SGO2: variants seen among roughly 807,000 people sequenced by gnomAD.
SGO2 encodes shugoshin 2.
SGO2 carries 68 observed loss-of-function variants against 99.5 expected under a neutral mutation model. The ratio of observed to expected loss-of-function variants is 0.68; its 90% CI spans 0.56 to 0.84. The LOEUF is 0.84. Among genes scored for constraint, SGO2 ranks in the 40% least tolerant of loss-of-function variants. The probability of loss-of-function intolerance (pLI) is 0.00; values close to 1 mark genes in which losing one functional copy is unlikely to be tolerated. For missense variants in SGO2, 1,350 were observed against 1,436.7 expected (o/e 0.94, Z 0.97); for synonymous variants, 457 against 487.1 (o/e 0.94, Z 0.81).
At chr2:200,581,269 T>C (rs1049532733) in intron 8 of SGO2, among the ~76,000 whole-genome samples, 1 of 152,150 alleles carries the variant, frequency 6.6e-6, no homozygotes, top group Non-Finnish European at 1.5e-5. Context: ...TTCTTATTTT[T>C]TGTAAATAAG....
chr2:200,532,371 C>T, intron 1 of SGO2: 7 of 979,506 alleles, frequency 7.1e-6, no homozygotes, highest in Admixed American at 6.5e-5. Context: ...TCTTACATGG[C>T]TCAACATCAA....
rs144939465 is a variant in SGO2 at position 200,579,028 on chromosome 2, T to A, written c.3782+3567T>A. ...CTGACCTCCATCCACTAGATGTCAG[T>A]AGCACCCTCACATTTATAACAACCA... On this transcript the variant is annotated intron_variant, in intron 8 of 8. Coordinates refer to ENST00000357799, the MANE Select transcript of SGO2 (RefSeq NM_152524.6). 9.8e-5 allele frequency among the ~76,000 whole-genome samples: 15 copies of A among 152,308 alleles called. No homozygotes were observed. In the East Asian group the frequency reaches 2.9e-3, roughly 29 times the overall value.
chr2:200,533,953 T>C (rs1315412246), intron 2 of SGO2, among the ~76,000 whole-genome samples: 1 of 152,040 alleles, frequency 6.6e-6, no homozygotes, highest in Non-Finnish European at 1.5e-5. Flanking sequence ...CTTTGAGGAG[T>C]ACAACAGGAA....
At chr2:200,562,129 C>T (rs2106333925) in intron 5 of SGO2, among the ~76,000 whole-genome samples, 1 of 152,300 alleles carries the variant, frequency 6.6e-6, no homozygotes, top group East Asian at 1.9e-4. Flanking sequence ...GAAGTCCTTG[C>T]CCATGCCTGT....
intron 1 of SGO2, 132 bp from the exon 2 acceptor site, chr2:200,532,842 T>C: frequency 2.1e-6 from 2 of 962,564 alleles, no homozygotes; most frequent in Non-Finnish European, 3.0e-6. Flanking sequence ...CTTTCAGATT[T>C]TATGTAAAGT....
At chr2:200,528,255 T>C (rs1254114666) in intron 1 of SGO2, among the ~76,000 whole-genome samples, 1 of 152,148 alleles carries the variant, frequency 6.6e-6, no homozygotes, top group Non-Finnish European at 1.5e-5. Flanking sequence ...AAAAGGATCA[T>C]TGTGGTTGCT....
At chr2:200,567,542 T>C (rs2033235357) in intron 5 of SGO2, among the ~76,000 whole-genome samples, 1 of 152,224 alleles carries the variant, frequency 6.6e-6, no homozygotes, top group Non-Finnish European at 1.5e-5. Context: ...AAGCTTTGAA[T>C]CTTCACCCTG....
intron 8 of SGO2, among the ~76,000 whole-genome samples, chr2:200,578,053 C>T (rs2033720692): frequency 6.6e-6 from 1 of 152,018 alleles, no homozygotes; most frequent in African/African-American, 2.4e-5. Flanking sequence ...ATCTTGCCTG[C>T]AACAGTACTA....
intron 5 of SGO2, among the ~76,000 whole-genome samples, chr2:200,566,009 C>A (rs940795928): frequency 6.6e-6 from 1 of 152,180 alleles, no homozygotes; most frequent in Non-Finnish European, 1.5e-5. Flanking sequence ...TGGGTTTGAA[C>A]ATCCTCCTTT....
At chr2:200,536,383 C>T (rs542802308) in intron 4 of SGO2, among the ~76,000 whole-genome samples, 4 of 152,188 alleles carry the variant, frequency 2.6e-5, no homozygotes, top group African/African-American at 9.6e-5. Flanking sequence ...GTGGAACATA[C>T]TGGCTCCTAA....
At chr2:200,542,248 T>G (rs1381391646) in intron 4 of SGO2, among the ~76,000 whole-genome samples, 1 of 152,186 alleles carries the variant, frequency 6.6e-6, no homozygotes, top group Admixed American at 6.5e-5. Context: ...TAAAATTCAA[T>G]AAAATATTGC....
intron 1 of SGO2, among the ~76,000 whole-genome samples, chr2:200,527,365 C>G (rs545143007): frequency 1.7e-4 from 26 of 152,250 alleles, no homozygotes; most frequent in African/African-American, 5.5e-4. Flanking sequence ...AACTAGATTT[C>G]TATGTTAGGA....
At chr2:200,553,834 C>T (rs545592514) in intron 5 of SGO2, among the ~76,000 whole-genome samples, 133 of 152,202 alleles carry the variant, frequency 8.7e-4, no homozygotes, top group African/African-American at 3.1e-3. Flanking sequence ...TTCTTGAGGT[C>T]CCAAGATAAC....
chr2:200,577,944 C>A (rs1372160539), intron 8 of SGO2, among the ~76,000 whole-genome samples: 1 of 152,106 alleles, frequency 6.6e-6, no homozygotes, highest in Non-Finnish European at 1.5e-5. Context: ...AAGTCACAAT[C>A]TTTTCCTCTA....
upstream of SGO2, chr2:200,526,151 T>C (rs1273982079): frequency 1.3e-5 from 2 of 152,312 alleles, no homozygotes; most frequent in Non-Finnish European, 2.9e-5. The surrounding 1 kb of genome is among the most constrained non-coding windows in gnomAD (Gnocchi z 4.8). Context: ...GATTGGCTGA[T>C]GGGGCAACCG....
At chr2:200,564,510 TGTG>T (rs1247515922) in intron 5 of SGO2, among the ~76,000 whole-genome samples, 5 of 152,208 alleles carry the variant, frequency 3.3e-5, no homozygotes, top group Admixed American at 3.3e-4. Flanking sequence ...ATAAGTGTGA[TGTG>T]GTGCTGAGAA....
chr2:200,532,304 TCTCTTC>T, intron 1 of SGO2: 3 of 270,094 alleles, frequency 1.1e-5, no homozygotes, highest in Non-Finnish European at 1.6e-5. Context: ...TTTTTTCAGA[TCTCTTC>T]AGATGGAGGC....
chr2:200,575,521 G>C, intron 8 of SGO2, 60 bp downstream of exon 8: 1 of 1,275,534 alleles, frequency 7.8e-7, no homozygotes. Flanking sequence ...AAAAATTTCT[G>C]CCTGAATTAG....
Position 200,545,965 on chromosome 2 carries a change from G to A in SGO2, c.473+3301G>A, listed in dbSNP as rs550209815. ...GCTCTGTAACTCAGCCAAAGGAAGC[G>A]CCAAATGAGAGTGGTTGTAGGAGGT... On this transcript the variant is annotated intron_variant, in intron 5 of 8. Transcript: ENST00000357799. Among the ~76,000 whole-genome samples, 5 of 152,258 alleles carry A rather than the reference G, an allele frequency of 3.3e-5. No individual in the cohort carries two copies. The South Asian group carries it at 8.3e-4, about 25-fold the overall frequency.
Sources: allele counts gnomAD v4.1 joint callset (sites outside exome capture counted in the v4.1 genomes callset), GRCh38; gene constraint gnomAD v4.1.1; non-coding constraint Gnocchi (gnomAD v3.1); transcripts MANE v1.5; gene names NCBI Gene and HGNC (gene_info 2026-07-23, HGNC 2026-07-21).